ZNF648: variants seen among roughly 807,000 people sequenced by gnomAD.
The protein encoded by ZNF648 is zinc finger protein 648.
A neutral mutation model predicts 0.3 loss-of-function variants in ZNF648; 1 was observed. The ratio of observed to expected loss-of-function variants is 3.90; its 90% CI spans 1.39 to 18.51. The LOEUF (loss-of-function observed/expected upper bound fraction) is 18.51. Ranked by LOEUF, ZNF648 falls within the 30% of genes most tolerant of loss-of-function variation. ZNF648 has a pLI of 0.11. For synonymous variants in ZNF648, 376 were observed against 326.8 expected, an observed-to-expected ratio of 1.15 and a Z score of -1.62; for missense variants, 874 against 769.7, an observed-to-expected ratio of 1.14 and a Z score of -1.60.
Position 182,056,971 on chromosome 1 carries a change from G to A in ZNF648, c.1040C>T (p.Ser347Phe). The A allele has an allele frequency of 6.2e-7, 1 of 1,613,776 alleles. No individual in the cohort carries two copies. The change falls in exon 2 of 2, where the codon TCT (serine) becomes TTT (phenylalanine). Residue 347 changes from serine to phenylalanine, a missense_variant. Coordinates refer to ENST00000339948, the MANE Select transcript of ZNF648 (RefSeq NM_001009992.1). ...GCGCTGGTGTTTGCGCAGGTCCGAA[G>A]AGCGCACGAAGGCCTTCCCGCAGTC... is the stretch of plus-strand genomic sequence containing the variant. ...CPDCGKAFVR[S>F]SDLRKHQRNM...
chr1:182,058,320 T>A (rs1665975275), intron 1 of ZNF648, among the ~76,000 whole-genome samples: 1 of 152,126 alleles, frequency 6.6e-6, no homozygotes, highest in Non-Finnish European at 1.5e-5. Context: ...GGGTGGGGCA[T>A]TTGCTGGGTG....
the ZNF648 span, among the ~76,000 whole-genome samples, chr1:182,067,140 A>G: frequency 6.6e-6 from 1 of 152,194 alleles, no homozygotes; most frequent in African/African-American, 2.4e-5. Flanking sequence ...ACATGTCAGT[A>G]CTTCCTGGCA....
rs1447216727 is a variant in ZNF648 at position 182,057,093 on chromosome 1, G to A, written c.918C>T (p.Pro306=). ...QHRRLHTGER[P]YQCSFCDKAY... ...CCTTGTCGCAGAAGGAGCACTGGTA[G>A]GGCCGCTCGCCCGTGTGCAGGCGCC... The change falls in exon 2 of 2, where the codon CCC becomes CCT. Residue 306 remains proline, a synonymous_variant. Coordinates refer to ENST00000339948, the MANE Select transcript of ZNF648 (RefSeq NM_001009992.1). The A allele has an allele frequency of 3.7e-6, 6 of 1,611,748 alleles. No individual in the cohort carries two copies. The South Asian group carries it at 6.6e-5, about 18-fold the overall frequency.
chr1:182,065,291 A>G (rs1311350595), upstream of ZNF648, among the ~76,000 whole-genome samples: 1 of 152,082 alleles, frequency 6.6e-6, no homozygotes, highest in East Asian at 1.9e-4. Context: ...GGAAAGTCTT[A>G]GTCCCTCCTC....
rs1243173320 is a variant in ZNF648 at position 182,054,852 on chromosome 1, TCTAG to T, written c.*1448_*1451del. ...CTTGGTCAAACAAGACACAAGACTA[TCTAG>T]CTATCTAGCTATCTAGCTATCTCTC... On this transcript the variant is annotated 3_prime_UTR_variant, in exon 2 of 2. Transcript: ENST00000339948. 6.7e-6 allele frequency: 1 copy of T among 148,236 alleles called. No homozygotes were observed. The highest frequency in any genetic ancestry group is 1.5e-5 in the Non-Finnish European group (1 of 68,008). 9.2% of individuals were successfully genotyped at this position (148,236 alleles called of 1,614,324 possible). A position where few individuals can be genotyped will look rare whatever the true frequency, so the allele number is the denominator to read the frequency against.
At chr1:182,068,412 A>G in the ZNF648 span, 1 of 152,372 alleles carries the variant, frequency 6.6e-6, no homozygotes. Context: ...GCCACAACCA[A>G]CATTCTTTTT....
Position 182,057,320 on chromosome 1 carries a change from T to C in ZNF648, c.691A>G (p.Arg231Gly). ...AAVLAKARNS[R>G]KVQNQAGRRE... ...CGGCCCGCCTGGTTCTGTACTTTCC[T>C]GCTGTTCCGCGCTTTTGCCAGGACC... Residue 231 changes from arginine (R) to glycine (G), a missense_variant, in exon 2 of 2, where the codon AGG becomes GGG. Transcript: ENST00000339948. 1.2e-6 allele frequency: 2 copies of C among 1,607,104 alleles called. No homozygotes were observed. The highest frequency in any genetic ancestry group is 3.3e-5 in the Admixed American group (2 of 59,764).
Position 182,057,730 on chromosome 1 carries a change from G to T in ZNF648, c.281C>A (p.Pro94Gln). 6.2e-7 allele frequency: 1 copy of T among 1,614,174 alleles called. No homozygotes were observed. The highest frequency in any genetic ancestry group is 1.1e-5 in the South Asian group (1 of 91,080). The part of the protein sequence containing the change: ...SSSAGGMGQK[P>Q]VEMSGKASWS... Reference sequence around the variant, plus strand: ...ACTGGCTTTCCCAGACATTTCCACTGGTTTCTGCCCCATGCCCCCAGCACT... The same window carrying T: ...ACTGGCTTTCCCAGACATTTCCACTTGTTTCTGCCCCATGCCCCCAGCACT... The change falls in exon 2 of 2, where the codon CCA becomes CAA. Residue 94 changes from proline to glutamine, a missense_variant. Coordinates refer to ENST00000339948, the MANE Select transcript of ZNF648 (RefSeq NM_001009992.1).
chr1:182,056,283 G>A lies in ZNF648; in HGVS notation c.*21C>T, dbSNP rs79453959. On this transcript the variant is annotated 3_prime_UTR_variant, in exon 2 of 2. Coordinates refer to ENST00000339948, the MANE Select transcript of ZNF648 (RefSeq NM_001009992.1). ...GGCCCACCTGGGAAGGTTCCAAGTAGTGAGGTCGACGATGCTATCTTCACT... is the reference window on the plus strand; with the variant it reads ...GGCCCACCTGGGAAGGTTCCAAGTAATGAGGTCGACGATGCTATCTTCACT... The A allele has an allele frequency of 6.3e-7, 1 of 1,583,688 alleles. No individual in the cohort carries two copies. Among genetic ancestry groups the A allele is most frequent in the South Asian group, 1.2e-5 (1 of 85,658 alleles).
upstream of ZNF648, among the ~76,000 whole-genome samples, chr1:182,061,997 T>G (rs1486369041): frequency 1.3e-5 from 2 of 152,204 alleles, no homozygotes; most frequent in Admixed American, 6.5e-5. Context: ...ACATGTCACT[T>G]GTGAGCTTCC....
rs777780436 is a variant in ZNF648 at position 182,057,241 on chromosome 1, C to T, written c.770G>A (p.Arg257Gln). Residue 257 changes from arginine to glutamine, a missense_variant, in exon 2 of 2, where the codon CGG becomes CAG. Arg to Gln is a conservative substitution (Grantham distance 43). Coordinates refer to ENST00000339948, the MANE Select transcript of ZNF648 (RefSeq NM_001009992.1). ...ARPYRCLRGG[R>Q]AFQKPSKPLS... ...CGGCTTGCTGGGCTTCTGAAAGGCC[C>T]GCCCGCCCCGCAGGCACCTGTAGGG... 28 of 1,568,686 alleles carry T rather than the reference C, an allele frequency of 1.8e-5. No individual in the cohort carries two copies. In the South Asian group the frequency reaches 1.8e-4, roughly 10 times the overall value.
chr1:182,063,219 C>A (rs1206710106), upstream of ZNF648: 1 of 152,194 alleles, frequency 6.6e-6, no homozygotes, highest in Non-Finnish European at 1.5e-5. Flanking sequence ...GGTATATTCC[C>A]AGTAATGGGA....
upstream of ZNF648, chr1:182,063,648 C>G (rs1401311327): frequency 6.6e-6 from 1 of 152,164 alleles, no homozygotes; most frequent in Non-Finnish European, 1.5e-5. Context: ...TTCTCCCATT[C>G]TATAGGTTGT....
chr1:182,061,896 T>C (rs551117102), upstream of ZNF648, among the ~76,000 whole-genome samples: 24 of 152,350 alleles, frequency 1.6e-4, no homozygotes, highest in Admixed American at 1.3e-3. Context: ...TCAGTCTTCC[T>C]GCAGGTGGCC....
chr1:182,066,920 G>A, the ZNF648 span, among the ~76,000 whole-genome samples: 1 of 152,100 alleles, frequency 6.6e-6, no homozygotes, highest in African/African-American at 2.4e-5. Flanking sequence ...TTCCAGAAGG[G>A]TGCCATTCTC....
At chr1:182,066,280 T>G (rs987653895), upstream of ZNF648, among the ~76,000 whole-genome samples, 1 of 152,138 alleles carries the variant, frequency 6.6e-6, no homozygotes, top group African/African-American at 2.4e-5. Context: ...TTTGTGCCTA[T>G]CAATGACATG....
Position 182,057,385 on chromosome 1 carries a change from G to A in ZNF648, c.626C>T (p.Pro209Leu). ...WDLPTQETHT[P>L]AQASATPASL... ...GGCTGGGGTGGCCGACGCCTGGGCTGGTGTATGTGTCTCTTGCGTGGGAAG... is the reference window on the plus strand; with the variant it reads ...GGCTGGGGTGGCCGACGCCTGGGCTAGTGTATGTGTCTCTTGCGTGGGAAG... The change falls in exon 2 of 2, where the codon CCA (proline) becomes CTA (leucine). Residue 209 changes from proline (P) to leucine (L), a missense_variant. Pro to Leu is a moderately conservative substitution (Grantham distance 98). Transcript: ENST00000339948. The A allele has an allele frequency of 6.2e-7, 1 of 1,613,422 alleles. No individual in the cohort carries two copies. The highest frequency in any genetic ancestry group is 8.5e-7 in the Non-Finnish European group (1 of 1,179,976).
chr1:182,065,132 C>A (rs1666081959), upstream of ZNF648, among the ~76,000 whole-genome samples: 1 of 152,234 alleles, frequency 6.6e-6, no homozygotes. Flanking sequence ...TTAAGGGCCA[C>A]AGCCACACAG....
Position 182,056,814 on chromosome 1 carries a change from C to T in ZNF648, c.1197G>A (p.Arg399=). The change falls in exon 2 of 2, where the codon CGG becomes CGA. Residue 399 remains arginine, a synonymous_variant. Transcript: ENST00000339948. Reference sequence around the variant, plus strand: ...CCATGCGGCTGGCCACAGCGAACTCCCGGTCGCAGGCGGGGCAGCGGAAGG... The same window carrying T: ...CCATGCGGCTGGCCACAGCGAACTCTCGGTCGCAGGCGGGGCAGCGGAAGG... The part of the protein sequence containing the change: ...AKPFRCPACD[R]EFAVASRMVE... The T allele has an allele frequency of 6.4e-7, 1 of 1,554,648 alleles. No homozygotes were observed. Among genetic ancestry groups the T allele is most frequent in the Non-Finnish European group, 8.7e-7 (1 of 1,149,014 alleles).
Sources: allele counts gnomAD v4.1 joint callset (sites outside exome capture counted in the v4.1 genomes callset), GRCh38; gene constraint gnomAD v4.1.1; transcripts MANE v1.5; gene names NCBI Gene and HGNC (gene_info 2026-07-23, HGNC 2026-07-21).